Variants in METTL15 observed in about 807,000 individuals in gnomAD.
METTL15 encodes 12S rRNA N(4)-cytidine methyltransferase METTL15.
In METTL15, 34 loss-of-function variants were observed where a neutral mutation model predicts 38.3. That is an observed-to-expected ratio of 0.89 (90% CI 0.68 to 1.18). METTL15 has a LOEUF of 1.18. Ranked by LOEUF, METTL15 falls within the 50% of genes most tolerant of loss-of-function variation. The probability of loss-of-function intolerance (pLI) is 0.00; values close to 1 mark genes in which losing one functional copy is unlikely to be tolerated. For synonymous variants in METTL15, 162 were observed against 170.9 expected (o/e 0.95, Z 0.41); for missense variants, 438 against 498.4 (o/e 0.88, Z 1.15).
At chr11:28,312,729 A>G (rs1187864353) in intron 6 of METTL15, among the ~76,000 whole-genome samples, 1 of 152,154 alleles carries the variant, frequency 6.6e-6, no homozygotes, top group Non-Finnish European at 1.5e-5. Flanking sequence ...ATGTCATCTC[A>G]TGGCAGAAAG....
chr11:28,435,719 G>A (rs1164844774), intron 6 of METTL15, among the ~76,000 whole-genome samples: 2 of 152,152 alleles, frequency 1.3e-5, no homozygotes, highest in African/African-American at 4.8e-5. Flanking sequence ...CTATGAATAT[G>A]GTTGGATTCT....
At chr11:28,300,666 T>C (rs1856882470) in intron 6 of METTL15, among the ~76,000 whole-genome samples, 1 of 152,184 alleles carries the variant, frequency 6.6e-6, no homozygotes, top group South Asian at 2.1e-4. Context: ...GATTTCACTG[T>C]TCTTACTACC....
intron 2 of METTL15, among the ~76,000 whole-genome samples, chr11:28,111,930 C>G (rs1851735018): frequency 6.6e-6 from 1 of 152,098 alleles, no homozygotes; most frequent in African/African-American, 2.4e-5. Context: ...TGCTGCCAAG[C>G]AACCAAAAAT....
chr11:28,397,430 A>T (rs1473769802), intron 5 of METTL15, among the ~76,000 whole-genome samples: 1 of 152,250 alleles, frequency 6.6e-6, no homozygotes, highest in Non-Finnish European at 1.5e-5. Flanking sequence ...TGGGTGAAAG[A>T]TATGAACAGA....
chr11:28,438,132 T>C (rs1850999518), intron 6 of METTL15, among the ~76,000 whole-genome samples: 1 of 152,260 alleles, frequency 6.6e-6, no homozygotes, highest in African/African-American at 2.4e-5. Flanking sequence ...AATAATTTCA[T>C]GATTGATGTT....
intron 6 of METTL15, among the ~76,000 whole-genome samples, chr11:28,474,388 A>C (rs1851327898): frequency 6.6e-6 from 1 of 152,152 alleles, no homozygotes; most frequent in Admixed American, 6.6e-5. Flanking sequence ...GGTCACTAAC[A>C]CTATTGTTGA....
chr11:28,300,863 G>C (rs912119321), intron 6 of METTL15, among the ~76,000 whole-genome samples: 4 of 152,110 alleles, frequency 2.6e-5, no homozygotes, highest in African/African-American at 9.7e-5. Context: ...AAATCTAAGA[G>C]ATGAAAATGG....
At position 28,270,696 on chromosome 11, in the gene METTL15, A is replaced by G. The variant is rs145789071; in HGVS notation, c.408-19510A>G. 7.6e-4 allele frequency among the ~76,000 whole-genome samples: 116 copies of G among 152,348 alleles called. 1 individual carries two copies. The highest frequency in any genetic ancestry group is 2.5e-3 in the African/African-American group (106 of 41,588). On this transcript the variant is annotated intron_variant, in intron 4 of 6. Coordinates refer to ENST00000407364, the MANE Select transcript of METTL15 (RefSeq NM_001113528.2). ...ATAAGGATTCAATGAAATAAGCAGA[A>G]AGCCCTTAACTCAATGTCTGGCACA...
intron 6 of METTL15, among the ~76,000 whole-genome samples, chr11:28,298,935 G>A (rs1446068402): frequency 6.6e-6 from 1 of 151,980 alleles, no homozygotes; most frequent in Non-Finnish European, 1.5e-5. Flanking sequence ...AATACTAAAG[G>A]TAAAATAGGA....
rs137952283 is a variant in METTL15, at chr11:28,264,190, A to G, written c.408-26016A>G. ...ACATGAAAGCATTTCGTTTGTCTTAATTCTCCAGTATAATATTTTGGATAG... is the reference window on the plus strand; with the variant it reads ...ACATGAAAGCATTTCGTTTGTCTTAGTTCTCCAGTATAATATTTTGGATAG... On this transcript the variant is annotated intron_variant, in intron 4 of 6. Transcript: ENST00000407364. 3.7e-3 allele frequency among the ~76,000 whole-genome samples: 570 copies of G among 152,190 alleles called. 2 individuals are homozygous for G. The highest frequency in any genetic ancestry group is 0.013 in the African/African-American group (557 of 41,560).
At chr11:28,495,420 C>A (rs1851527771) in intron 6 of METTL15, among the ~76,000 whole-genome samples, 1 of 152,058 alleles carries the variant, frequency 6.6e-6, no homozygotes, top group Admixed American at 6.6e-5. Context: ...AATGAGAGTC[C>A]AGCTAATTTG....
At chr11:28,396,055 G>T (rs1335467635) in intron 5 of METTL15, among the ~76,000 whole-genome samples, 2 of 152,112 alleles carry the variant, frequency 1.3e-5, no homozygotes, top group Non-Finnish European at 2.9e-5. Flanking sequence ...AGTCCTTCAT[G>T]CTAAAAACTC....
chr11:28,302,479 G>T (rs1856945870), intron 6 of METTL15, among the ~76,000 whole-genome samples: 1 of 152,078 alleles, frequency 6.6e-6, no homozygotes, highest in South Asian at 2.1e-4. Flanking sequence ...CATGGGAACA[G>T]GTCTTTCCCG....
At chr11:28,420,446 T>C (rs577479112) in intron 5 of METTL15, among the ~76,000 whole-genome samples, 1 of 152,146 alleles carries the variant, frequency 6.6e-6, no homozygotes, top group Non-Finnish European at 1.5e-5. Flanking sequence ...TGGATCATTC[T>C]CAAGGATGGA....
intron 3 of METTL15, among the ~76,000 whole-genome samples, chr11:28,201,081 T>G (rs1048386111): frequency 3.9e-5 from 6 of 152,194 alleles, no homozygotes; most frequent in African/African-American, 1.2e-4. Flanking sequence ...TTGAGATATA[T>G]TCCATCAATA....
intron 3 of METTL15, among the ~76,000 whole-genome samples, chr11:28,161,724 T>C (rs1194364191): frequency 1.3e-5 from 2 of 149,744 alleles, no homozygotes; most frequent in African/African-American, 5.0e-5. Flanking sequence ...TTTGAAACTT[T>C]ACATCTTGAA....
rs894493577 is a variant in METTL15 at position 28,417,124 on chromosome 11, T to G, written c.*359-7175T>G. Among the ~76,000 whole-genome samples, 54 of 152,144 alleles carry G rather than the reference T, an allele frequency of 3.5e-4. 1 individual carries two copies. Among genetic ancestry groups the G allele is most frequent in the Admixed American group, 3.5e-3 (54 of 15,268 alleles). The stretch of plus-strand genomic sequence containing the variant: ...CTGGCCTTAGTGAGAAAAAGCACTT[T>G]CTTGATTTTTTATATCTTCCATGGT... On this transcript the variant is annotated intron_variant and NMD_transcript_variant, in intron 5 of 7. Transcript: ENST00000532947.
At chr11:28,386,200 C>T (rs1027538254) in intron 5 of METTL15, among the ~76,000 whole-genome samples, 1 of 151,736 alleles carries the variant, frequency 6.6e-6, no homozygotes, top group Non-Finnish European at 1.5e-5. Context: ...TAAAGAATGA[C>T]AAAATAACAA....
intron 6 of METTL15, among the ~76,000 whole-genome samples, chr11:28,316,964 C>T (rs935133599): frequency 1.3e-5 from 2 of 152,100 alleles, no homozygotes; most frequent in Admixed American, 6.5e-5. Context: ...ACGTCTTTAT[C>T]AGCAGCGTGA....
Sources: allele counts gnomAD v4.1 joint callset (sites outside exome capture counted in the v4.1 genomes callset), GRCh38; gene constraint gnomAD v4.1.1; transcripts MANE v1.5; gene names NCBI Gene and HGNC (gene_info 2026-07-23, HGNC 2026-07-21).